METTL14: variants seen among roughly 807,000 people sequenced by gnomAD.
METTL14 encodes N(6)-adenosine-methyltransferase non-catalytic subunit METTL14.
A neutral mutation model predicts 62.4 loss-of-function variants in METTL14; 32 were observed. The ratio of observed to expected loss-of-function variants is 0.51; its 90% CI spans 0.39 to 0.69. METTL14 has a LOEUF of 0.69. METTL14 is among the 30% of genes least tolerant of loss of function. The pLI is 0.00. For synonymous variants in METTL14, 150 were observed against 180.0 expected (o/e 0.83, Z 1.34); for missense variants, 340 against 551.9 (o/e 0.62, Z 3.85).
intron 7 of METTL14, among the ~76,000 whole-genome samples, chr4:118,699,111 T>C (rs1414838777): frequency 2.0e-5 from 3 of 152,138 alleles, no homozygotes; most frequent in Non-Finnish European, 4.4e-5. Flanking sequence ...AGAAAAGATG[T>C]GGGGCAAGGA....
At chr4:118,699,427 C>T (rs552772200) in intron 7 of METTL14, among the ~76,000 whole-genome samples, 59 of 152,266 alleles carry the variant, frequency 3.9e-4, no homozygotes, top group African/African-American at 1.3e-3. Flanking sequence ...AGATTAGAGA[C>T]TTAATGCTCT....
chr4:118,688,116 G>A lies in METTL14; in HGVS notation c.155+105G>A, dbSNP rs184607677. The A allele has an allele frequency of 1.1e-4, 99 of 884,130 alleles. No individual in the cohort carries two copies. In the African/African-American group the frequency reaches 1.5e-3, roughly 14 times the overall value. The allele number at this position is 884,130 out of a possible 1,614,324, so 54.8% of individuals were successfully genotyped here. On this transcript the variant is annotated intron_variant, in intron 2 of 10. Coordinates refer to ENST00000388822, the MANE Select transcript of METTL14 (RefSeq NM_020961.4). ...AGTAGCATGATTATGGCTCACTGCAGCCTTGACTCCTGGGCTCAAGTGGTA... is the reference window on the plus strand; with the variant it reads ...AGTAGCATGATTATGGCTCACTGCAACCTTGACTCCTGGGCTCAAGTGGTA...
At position 118,714,435 on chromosome 4, in the gene METTL14, T is replaced by C. The variant is rs1345811404; in HGVS notation, c.*4133T>C. The C allele has an allele frequency of 6.6e-6, 1 of 152,154 alleles. No individual in the cohort carries two copies. Among genetic ancestry groups the C allele is most frequent in the Admixed American group, 6.5e-5 (1 of 15,274 alleles). The allele number at this position is 152,154 out of a possible 1,614,324, so 9.4% of individuals were successfully genotyped here. On this transcript the variant is annotated 3_prime_UTR_variant, in exon 11 of 11. Coordinates refer to ENST00000388822, the MANE Select transcript of METTL14 (RefSeq NM_020961.4). ...ATCACTTGTCAGCTCCAGCTAATTG[T>C]CACCACAGAGAGAAGAGGGTAAGTC...
chr4:118,698,892 G>A (rs1341798312), intron 7 of METTL14, among the ~76,000 whole-genome samples: 1 of 152,164 alleles, frequency 6.6e-6, no homozygotes, highest in Non-Finnish European at 1.5e-5. Flanking sequence ...GTAAATAGAT[G>A]AGTTTATCCT....
chr4:118,688,441 CAA>C (rs10549507), intron 2 of METTL14, among the ~76,000 whole-genome samples: 1,543 of 118,638 alleles, frequency 0.013, 23 homozygotes, highest in African/African-American at 0.045. Flanking sequence ...GACTCCGTCT[CAA>C]AAAAAAAAAA....
At position 118,710,072 on chromosome 4, in the gene METTL14, C is replaced by T. The variant is rs1420959871; in HGVS notation, c.1141C>T (p.Pro381Ser). The part of the protein sequence containing the change: ...AETYASYFSA[P>S]NSYLTGCTEE... ...AACATATGCATCCTATTTCAGTGCT[C>T]CTAATTCCTACTTGACTGGTTGTAC... The change falls in exon 11 of 11, where the codon CCT (proline) becomes TCT (serine). Residue 381 changes from proline to serine, a missense_variant. Physicochemically the swap from Pro to Ser is moderately conservative, Grantham distance 74. Transcript: ENST00000388822. The T allele has an allele frequency of 6.2e-7, 1 of 1,614,212 alleles. No homozygotes were observed. The highest frequency in any genetic ancestry group is 8.5e-7 in the Non-Finnish European group (1 of 1,180,040).
intron 8 of METTL14, among the ~76,000 whole-genome samples, chr4:118,702,976 T>TATTATA (rs1206638094): frequency 6.9e-6 from 1 of 145,506 alleles, no homozygotes; most frequent in South Asian, 2.1e-4. Flanking sequence ...TTATTATTAT[T>TATTATA]ATACTTTAAG....
intron 8 of METTL14, among the ~76,000 whole-genome samples, chr4:118,701,378 G>T (rs1724584820): frequency 6.6e-6 from 1 of 150,978 alleles, no homozygotes; most frequent in East Asian, 1.9e-4. Flanking sequence ...TAGAGATGAG[G>T]TCTTGTTATG....
Position 118,685,579 on chromosome 4 carries a change from G to A in METTL14, c.45G>A (p.Arg15=), listed in dbSNP as rs369110196. ...LQEIRERQKL[R]RQLLAQQLGA... ...AGATCCGGGAGCGGCAGAAGTTACGGCGACAGCTCCTCGCGCAGCAGGTCC... is the reference window on the plus strand; with the variant it reads ...AGATCCGGGAGCGGCAGAAGTTACGACGACAGCTCCTCGCGCAGCAGGTCC... Residue 15 remains arginine (R), a synonymous_variant, in exon 1 of 11, where the codon CGG becomes CGA. Transcript: ENST00000388822. 5 of 1,614,076 alleles carry A rather than the reference G, an allele frequency of 3.1e-6. No individual in the cohort carries two copies. Among genetic ancestry groups the A allele is most frequent in the Non-Finnish European group, 4.2e-6 (5 of 1,179,984 alleles).
At chr4:118,689,821 G>A (rs1303173172) in intron 3 of METTL14, among the ~76,000 whole-genome samples, 3 of 151,356 alleles carry the variant, frequency 2.0e-5, no homozygotes, top group Non-Finnish European at 2.9e-5. Context: ...TGTATTTTTA[G>A]TAGAGACAGG....
chr4:118,693,228 C>G (rs1410964461), intron 5 of METTL14, among the ~76,000 whole-genome samples: 3 of 152,108 alleles, frequency 2.0e-5, no homozygotes, highest in Non-Finnish European at 4.4e-5. Flanking sequence ...TTGCATTTGC[C>G]TAGTGACTAA....
intron 10 of METTL14, among the ~76,000 whole-genome samples, chr4:118,708,176 A>G (rs1343339580): frequency 6.6e-6 from 1 of 152,226 alleles, no homozygotes; most frequent in Non-Finnish European, 1.5e-5. Context: ...AGAATTTCTG[A>G]TAAAACACAA....
chr4:118,688,298 A>G (rs559517432), intron 2 of METTL14, among the ~76,000 whole-genome samples: 274 of 152,256 alleles, frequency 1.8e-3, no homozygotes, highest in African/African-American at 6.2e-3. Context: ...TTAGCCAGAC[A>G]TGGTGGCGGG....
At chr4:118,704,964 A>C (rs535662537) in intron 9 of METTL14, among the ~76,000 whole-genome samples, 1 of 152,280 alleles carries the variant, frequency 6.6e-6, no homozygotes, top group South Asian at 2.1e-4. Context: ...GGTCTGCACT[A>C]ACTAGGTAGA....
At chr4:118,699,644 C>T (rs934652091) in intron 7 of METTL14, among the ~76,000 whole-genome samples, 1 of 152,134 alleles carries the variant, frequency 6.6e-6, no homozygotes, top group African/African-American at 2.4e-5. Context: ...TTTGTTTTCT[C>T]TAGCCAATCC....
chr4:118,700,711 G>T, intron 8 of METTL14, 69 bp downstream of exon 8: 1 of 1,066,662 alleles, frequency 9.4e-7, no homozygotes, highest in Non-Finnish European at 1.4e-6. Flanking sequence ...ATGTTGCATA[G>T]GATGTTTGAA....
intron 6 of METTL14, among the ~76,000 whole-genome samples, chr4:118,695,142 T>G (rs1724368734): frequency 6.6e-6 from 1 of 152,164 alleles, no homozygotes; most frequent in African/African-American, 2.4e-5. Context: ...ATTTCTTCGT[T>G]ATAGCAAAAA....
rs879424737 is a variant in METTL14 at position 118,687,923 on chromosome 4, T to C, written c.67T>C (p.Leu23=). The C allele has an allele frequency of 1.2e-6, 2 of 1,613,522 alleles. No homozygotes were observed. The highest frequency in any genetic ancestry group is 3.3e-5 in the Admixed American group (2 of 59,936). Residue 23 remains leucine, a splice_region_variant and synonymous_variant, in exon 2 of 11, where the codon TTG becomes CTG. Coordinates refer to ENST00000388822, the MANE Select transcript of METTL14 (RefSeq NM_020961.4). ...KLRRQLLAQQ[L]GAESADSIGA... ...AATTTCTGATTTTGTCTTTTCTCAG[T>C]TGGGAGCTGAAAGTGCCGACAGCAT...
intron 6 of METTL14, among the ~76,000 whole-genome samples, chr4:118,696,004 G>A (rs1285204811): frequency 6.6e-6 from 1 of 150,968 alleles, no homozygotes; most frequent in Non-Finnish European, 1.5e-5. Context: ...CAGCTATTCG[G>A]GAGGCAGAGG....
Sources: allele counts gnomAD v4.1 joint callset (sites outside exome capture counted in the v4.1 genomes callset), GRCh38; gene constraint gnomAD v4.1.1; transcripts MANE v1.5; gene names NCBI Gene and HGNC (gene_info 2026-07-23, HGNC 2026-07-21).